PLCH2: variants seen among roughly 807,000 people sequenced by gnomAD.
PLCH2 encodes the protein phospholipase C eta 2, also known as 1-phosphatidylinositol 4,5-bisphosphate phosphodiesterase eta-2.
A neutral mutation model predicts 134.7 loss-of-function variants in PLCH2; 98 were observed. That is an observed-to-expected ratio of 0.73 (90% CI 0.62 to 0.86). The LOEUF is 0.86. PLCH2 is among the 40% of genes least tolerant of loss of function. The pLI, the probability that PLCH2 is intolerant of heterozygous loss-of-function variation, is 0.00. For missense variants in PLCH2, 1,994 were observed against 1,986.6 expected (o/e 1.00, Z -0.07); for synonymous variants, 974 against 827.5 (o/e 1.18, Z -3.04).
At chr1:2,417,687 G>C in the PLCH2 span, among the ~76,000 whole-genome samples, 1 of 152,202 alleles carries the variant, frequency 6.6e-6, no homozygotes, top group African/African-American at 2.4e-5. Context: ...GTGCTGGCTG[G>C]AGGGCACCTG....
chr1:2,492,094 G>A (rs559969900), intron 11 of PLCH2, among the ~76,000 whole-genome samples: 2 of 152,360 alleles, frequency 1.3e-5, no homozygotes, highest in South Asian at 2.1e-4. Context: ...TGTGGCACCG[G>A]CTCGTTCTGC....
chr1:2,489,507 G>A (rs915118169), intron 9 of PLCH2, 129 bp downstream of exon 9: 9 of 961,660 alleles, frequency 9.4e-6, no homozygotes, highest in African/African-American at 3.3e-5. Context: ...GGCTGGCCAC[G>A]CTCCTGACCT....
Position 2,503,928 on chromosome 1 carries a change from G to GC in PLCH2, c.2971dup (p.Leu991ProfsTer18). 3.5e-6 allele frequency: 1 copy of GC among 286,976 alleles called. No individual in the cohort carries two copies. The highest frequency in any genetic ancestry group is 5.3e-6 in the Non-Finnish European group (1 of 190,216). 17.8% of individuals were successfully genotyped at this position (286,976 alleles called of 1,614,324 possible). On this transcript the variant is annotated frameshift_variant, in exon 22 of 22. Transcript: ENST00000378486. LOFTEE classifies it high-confidence loss of function. ...CTCCCCCACCTCCCCACAGACACCC[G>GC]CCCCCTCTCCACGCAGCGGCCACTC...
chr1:2,470,146 C>A (rs186998942), intron 1 of PLCH2, among the ~76,000 whole-genome samples: 7 of 152,368 alleles, frequency 4.6e-5, no homozygotes, highest in Admixed American at 4.6e-4. Context: ...AGGAACACAC[C>A]TCTGAGGGAC....
At chr1:2,477,790 G>A (rs1476404663) in intron 1 of PLCH2, among the ~76,000 whole-genome samples, 1 of 152,234 alleles carries the variant, frequency 6.6e-6, no homozygotes, top group Non-Finnish European at 1.5e-5. Context: ...GCAGTGCAGG[G>A]CGTGCGACGC....
Position 2,505,465 on chromosome 1 carries a change from TAGAG to T in PLCH2, c.*254_*257del, listed in dbSNP as rs1244759365. On this transcript the variant is annotated 3_prime_UTR_variant, in exon 22 of 22. Transcript: ENST00000378486. Reference sequence around the variant, plus strand: ...TTCCCGGCGTTTTAGGATCTGTACATAGAGAAATATTTAAATTTTTAGAAGCAAA... The same window carrying T: ...TTCCCGGCGTTTTAGGATCTGTACATAAATATTTAAATTTTTAGAAGCAAA... 1 of 527,654 alleles carries T rather than the reference TAGAG, an allele frequency of 1.9e-6. No homozygotes were observed. The highest frequency in any genetic ancestry group is 3.3e-6 in the Non-Finnish European group (1 of 301,906). 32.7% of individuals were successfully genotyped at this position (527,654 alleles called of 1,614,324 possible).
upstream of PLCH2, among the ~76,000 whole-genome samples, chr1:2,465,733 G>T (rs1485796917): frequency 1.3e-5 from 2 of 152,208 alleles, no homozygotes; most frequent in African/African-American, 4.8e-5. Flanking sequence ...ATCGCAGGCC[G>T]CGGTGACGGA....
At chr1:2,497,151 G>A in intron 15 of PLCH2, 141 bp downstream of exon 15, 4 of 836,460 alleles carry the variant, frequency 4.8e-6, no homozygotes, top group Non-Finnish European at 7.3e-6. Flanking sequence ...CCACACCTCT[G>A]TGGCATGCTG....
At chr1:2,425,214 GCA>G (rs1390035491), upstream of PLCH2, among the ~76,000 whole-genome samples, 3 of 149,584 alleles carry the variant, frequency 2.0e-5, no homozygotes, top group African/African-American at 7.4e-5. Flanking sequence ...TTGGGCGCAT[GCA>G]CACACACACA....
At chr1:2,459,440 G>GCCGGTGGTCCTCCTTT (rs1640673041) in intron 2 of PLCH2, among the ~76,000 whole-genome samples, 1 of 8,626 alleles carries the variant, frequency 1.2e-4, no homozygotes, top group Admixed American at 1.3e-3. Flanking sequence ...GGTCCTCCTT[G>GCCGGTGGTCCTCCTTT]CCGGTGGTCC....
Position 2,476,434 on chromosome 1 carries a change from G to T in PLCH2, c.-155G>T. 1 of 709,182 alleles carries T rather than the reference G, an allele frequency of 1.4e-6. No homozygotes were observed. Among genetic ancestry groups the T allele is most frequent in the Admixed American group, 3.4e-5 (1 of 29,818 alleles). The allele number at this position is 709,182 out of a possible 1,614,324, so 43.9% of individuals were successfully genotyped here. On this transcript the variant is annotated 5_prime_UTR_variant, in exon 1 of 22. Transcript: ENST00000378486. Reference sequence around the variant, plus strand: ...CCGGGCCTGGGCACAGCCCTGTGGGGGCTTCGGAGGGCCCTGAGGAGGAGG... The same window carrying T: ...CCGGGCCTGGGCACAGCCCTGTGGGTGCTTCGGAGGGCCCTGAGGAGGAGG...
At chr1:2,473,531 C>T (rs1366804674), upstream of PLCH2, among the ~76,000 whole-genome samples, 1 of 152,214 alleles carries the variant, frequency 6.6e-6, no homozygotes, top group Non-Finnish European at 1.5e-5. Flanking sequence ...GAGAGCTGGA[C>T]CCTGGACACC....
At chr1:2,438,082 G>T (rs1230103048) in intron 2 of PLCH2, among the ~76,000 whole-genome samples, 2 of 152,200 alleles carry the variant, frequency 1.3e-5, no homozygotes, top group African/African-American at 2.4e-5. Context: ...GGCTTTGCAG[G>T]TCCCTGGGCT....
chr1:2,503,631 CG>C (rs747345530), intron 21 of PLCH2: 1 of 696,782 alleles, frequency 1.4e-6, no homozygotes. Flanking sequence ...GAACTGAGAG[CG>C]GCGAGTGACA....
chr1:2,420,935 G>A, the PLCH2 span, among the ~76,000 whole-genome samples: 3 of 150,418 alleles, frequency 2.0e-5, no homozygotes, highest in Admixed American at 6.7e-5. Context: ...AAATGTTTTG[G>A]CCTTAGTATC....
chr1:2,424,462 A>T (rs1379912245), upstream of PLCH2, among the ~76,000 whole-genome samples: 1 of 152,214 alleles, frequency 6.6e-6, no homozygotes, highest in Non-Finnish European at 1.5e-5. Context: ...AAGTGAGAAG[A>T]TGTGGTATTT....
At chr1:2,423,417 G>T (rs1395709778), upstream of PLCH2, among the ~76,000 whole-genome samples, 2 of 152,142 alleles carry the variant, frequency 1.3e-5, no homozygotes, top group African/African-American at 4.8e-5. Flanking sequence ...AGGCCACCAG[G>T]TTGGTGTGCC....
intron 21 of PLCH2, chr1:2,503,388 G>A: frequency 1.7e-6 from 1 of 585,630 alleles, no homozygotes; most frequent in Non-Finnish European, 3.0e-6. Flanking sequence ...TAGTGCAGCT[G>A]CTGGGCGTCT....
chr1:2,426,605 C>T (rs371258785), intron 1 of PLCH2, among the ~76,000 whole-genome samples: 2 of 152,266 alleles, frequency 1.3e-5, no homozygotes, highest in Non-Finnish European at 1.5e-5. Context: ...CCTTGTCAAA[C>T]ACCCCTCCCT....
Sources: allele counts gnomAD v4.1 joint callset (sites outside exome capture counted in the v4.1 genomes callset), GRCh38; gene constraint gnomAD v4.1.1; transcripts MANE v1.5; gene names NCBI Gene and HGNC (gene_info 2026-07-23, HGNC 2026-07-21).